Variants in MYO9A observed in about 807,000 individuals in gnomAD.
The protein encoded by MYO9A is myosin IXA.
MYO9A carries 103 observed loss-of-function variants against 293.3 expected under a neutral mutation model. The observed-to-expected ratio is 0.35, with a 90% CI of 0.30 to 0.41. MYO9A has a LOEUF of 0.41. Ranked by LOEUF, MYO9A falls within the 10% of genes least tolerant of loss-of-function variation. MYO9A has a pLI of 1.00. For missense variants in MYO9A, 2,685 were observed against 3,033.0 expected, an observed-to-expected ratio of 0.89 and a Z score of 2.69; for synonymous variants, 1,001 against 1,035.7, an observed-to-expected ratio of 0.97 and a Z score of 0.64.
chr15:71,986,239 C>T (rs865997488), intron 11 of MYO9A, among the ~76,000 whole-genome samples: 1 of 152,154 alleles, frequency 6.6e-6, no homozygotes, highest in Non-Finnish European at 1.5e-5. Flanking sequence ...GGAGAATGTG[C>T]ATAGGTTATG....
intron 1 of MYO9A, among the ~76,000 whole-genome samples, chr15:72,091,855 C>A (rs1277912744): frequency 6.6e-6 from 1 of 151,868 alleles, no homozygotes; most frequent in Non-Finnish European, 1.5e-5. Flanking sequence ...GCTGGGACTA[C>A]AGGTGCCCGC....
At chr15:72,012,120 C>T (rs910510422) in intron 6 of MYO9A, among the ~76,000 whole-genome samples, 2 of 152,068 alleles carry the variant, frequency 1.3e-5, no homozygotes, top group African/African-American at 4.8e-5. Flanking sequence ...TTTTGAAATG[C>T]TGTTACCAAT....
At chr15:71,955,090 C>G (rs962224429) in intron 14 of MYO9A, among the ~76,000 whole-genome samples, 8 of 152,068 alleles carry the variant, frequency 5.3e-5, no homozygotes, top group African/African-American at 1.4e-4. Context: ...CCTGATCCCA[C>G]CAGAAGTAAT....
chr15:71,922,151 G>A (rs1464246777), intron 18 of MYO9A, among the ~76,000 whole-genome samples: 2 of 152,074 alleles, frequency 1.3e-5, no homozygotes, highest in African/African-American at 4.8e-5. Flanking sequence ...CTAATTTTTT[G>A]TATTTTTAGT....
At chr15:72,039,321 G>T (rs776194392) in intron 2 of MYO9A, among the ~76,000 whole-genome samples, 3 of 151,942 alleles carry the variant, frequency 2.0e-5, no homozygotes, top group African/African-American at 7.3e-5. Flanking sequence ...TTGAAGTTCC[G>T]TTTGTACTTA....
chr15:71,908,822 G>T (rs2057750489), intron 19 of MYO9A, among the ~76,000 whole-genome samples: 1 of 151,806 alleles, frequency 6.6e-6, no homozygotes, highest in Non-Finnish European at 1.5e-5. Flanking sequence ...ACATTCTCTG[G>T]GTTTAAACAA....
chr15:71,998,565 C>CTTTT (rs11443228), intron 9 of MYO9A, among the ~76,000 whole-genome samples: 108 of 139,464 alleles, frequency 7.7e-4, no homozygotes, highest in Non-Finnish European at 1.2e-3. Context: ...TTTTTTTTGT[C>CTTTT]TTTTTTTTTC....
intron 18 of MYO9A, among the ~76,000 whole-genome samples, chr15:71,928,585 T>C (rs2145562432): frequency 6.6e-6 from 1 of 152,316 alleles, no homozygotes; most frequent in East Asian, 1.9e-4. Context: ...CAGGATATCA[T>C]TTTTCATTTG....
At chr15:71,839,408 T>TC (rs1567184119) in intron 39 of MYO9A, among the ~76,000 whole-genome samples, 2 of 151,842 alleles carry the variant, frequency 1.3e-5, no homozygotes, top group Non-Finnish European at 2.9e-5. Flanking sequence ...GGTTTTTTTT[T>TC]TCTTTCTTTC....
At chr15:72,084,250 TTC>T (rs1264038383) in intron 1 of MYO9A, among the ~76,000 whole-genome samples, 1 of 152,220 alleles carries the variant, frequency 6.6e-6, no homozygotes, top group African/African-American at 2.4e-5. Flanking sequence ...TGTAATGCCC[TTC>T]TTTGTCCTTC....
chr15:71,823,509 G>A lies in MYO9A; in HGVS notation c.*3071C>T, dbSNP rs1361828070. The A allele has an allele frequency of 6.6e-6, 1 of 152,174 alleles. No individual in the cohort carries two copies. Among genetic ancestry groups the A allele is most frequent in the Non-Finnish European group, 1.5e-5 (1 of 68,016 alleles). The allele number at this position is 152,174 out of a possible 1,614,324, so 9.4% of individuals were successfully genotyped here. A position where few individuals can be genotyped will look rare whatever the true frequency, so the allele number is the denominator to read the frequency against. Reference sequence around the variant, plus strand: ...TAGTTGGAGGGCTGTATCTCCCTTTGTGTTTTCAGAAGCCCAGAGTGGCAA... The same window carrying A: ...TAGTTGGAGGGCTGTATCTCCCTTTATGTTTTCAGAAGCCCAGAGTGGCAA... On this transcript the variant is annotated 3_prime_UTR_variant, in exon 42 of 42. Coordinates refer to ENST00000356056, the MANE Select transcript of MYO9A (RefSeq NM_006901.4).
intron 30 of MYO9A, among the ~76,000 whole-genome samples, chr15:71,878,536 C>T (rs1031767376): frequency 1.3e-5 from 2 of 151,954 alleles, no homozygotes; most frequent in Non-Finnish European, 2.9e-5. Flanking sequence ...TATTTGCATC[C>T]CTCTTAATTA....
chr15:71,978,282 C>A lies in MYO9A; in HGVS notation c.1733G>T (p.Arg578Ile). ...HIFKLEQEEY[R>I]TEGISWHNID... ...GTTGTGCCAGCTGATACCTTCAGTT[C>A]TATATTCCTCCTAGAAAAACCAAAA... The change falls in exon 12 of 42, where the codon AGA becomes ATA. Residue 578 changes from arginine (R) to isoleucine (I), a missense_variant. Arg to Ile is a moderately conservative substitution (Grantham distance 97). Transcript: ENST00000356056. 6.2e-7 allele frequency: 1 copy of A among 1,602,360 alleles called. No homozygotes were observed. The highest frequency in any genetic ancestry group is 8.5e-7 in the Non-Finnish European group (1 of 1,176,344).
rs775348560 is a variant in MYO9A, at chr15:71,967,990, C to G, written c.1980G>C (p.Gly660=). 4 of 1,608,760 alleles carry G rather than the reference C, an allele frequency of 2.5e-6. No individual in the cohort carries two copies. Among genetic ancestry groups the G allele is most frequent in the Non-Finnish European group, 3.4e-6 (4 of 1,177,978 alleles). Residue 660 remains glycine, a synonymous_variant, in exon 13 of 42, where the codon GGG becomes GGC. Transcript: ENST00000356056. ...CAGTGAGAAATTTACTGACCTTTAC[C>G]CCATATTTTACTTTTCCAGCATAAT... The part of the protein sequence containing the change: ...IKHYAGKVKY[G]VKDFREKNTD...
At chr15:71,906,507 T>A (rs1301724058) in intron 19 of MYO9A, among the ~76,000 whole-genome samples, 2 of 152,142 alleles carry the variant, frequency 1.3e-5, no homozygotes, top group African/African-American at 4.8e-5. Flanking sequence ...TGAATATACA[T>A]GTAAGACTTG....
chr15:71,864,076 A>G (rs944124426), intron 32 of MYO9A, among the ~76,000 whole-genome samples: 16 of 152,242 alleles, frequency 1.1e-4, no homozygotes, highest in African/African-American at 3.6e-4. Context: ...TATATCTGAT[A>G]AATGACTTCT....
intron 4 of MYO9A, among the ~76,000 whole-genome samples, chr15:72,021,481 C>T (rs2077501054): frequency 6.6e-6 from 1 of 152,180 alleles, no homozygotes; most frequent in Non-Finnish European, 1.5e-5. Flanking sequence ...TGACAGCTAC[C>T]AGAAAGGTCA....
Position 72,046,450 on chromosome 15 carries a change from T to C in MYO9A, c.114A>G (p.Lys38=). Residue 38 remains lysine, a synonymous_variant, in exon 2 of 42, where the codon AAA becomes AAG. Transcript: ENST00000356056. ...CAATCACCTCAGCAGCTGTGGAGTT[T>C]TTTCTGGCAGGAATCGGACAGTAGA... The part of the protein sequence containing the change: ...GTIYCPIPAR[K]NSTAAEVIES... 1 of 1,614,192 alleles carries C rather than the reference T, an allele frequency of 6.2e-7. No individual in the cohort carries two copies. Among genetic ancestry groups the C allele is most frequent in the Non-Finnish European group, 8.5e-7 (1 of 1,180,040 alleles).
chr15:72,066,427 A>T (rs2079024117), intron 1 of MYO9A, among the ~76,000 whole-genome samples: 1 of 151,042 alleles, frequency 6.6e-6, no homozygotes, highest in Admixed American at 6.6e-5. Flanking sequence ...TGGAGGTTGC[A>T]GTGAGCAGAG....
Sources: allele counts gnomAD v4.1 joint callset (sites outside exome capture counted in the v4.1 genomes callset), GRCh38; gene constraint gnomAD v4.1.1; transcripts MANE v1.5; gene names NCBI Gene and HGNC (gene_info 2026-07-23, HGNC 2026-07-21).